Variants in TRPM3 observed in about 807,000 individuals in gnomAD.
TRPM3 encodes long transient receptor potential channel 3.
Under a neutral mutation model 181.2 loss-of-function variants are expected in TRPM3, and 77 were observed. The observed-to-expected ratio is 0.42, with a 90% confidence interval of 0.35 to 0.51. The LOEUF (loss-of-function observed/expected upper bound fraction) is 0.51. TRPM3 is among the 20% of genes least tolerant of loss of function. The probability of loss-of-function intolerance (pLI) is 0.01; values close to 1 mark genes in which losing one functional copy is unlikely to be tolerated. For synonymous variants in TRPM3, 745 were observed against 796.4 expected, an observed-to-expected ratio of 0.94 and a Z score of 1.09; for missense variants, 1,759 against 2,196.7, an observed-to-expected ratio of 0.80 and a Z score of 3.98.
At chr9:71,397,263 C>G (rs950669476) in intron 1 of TRPM3, among the ~76,000 whole-genome samples, 8 of 152,060 alleles carry the variant, frequency 5.3e-5, no homozygotes, top group African/African-American at 1.9e-4. Flanking sequence ...GGGTATTGGT[C>G]AGGGAAAATA....
intron 1 of TRPM3, among the ~76,000 whole-genome samples, chr9:71,190,840 G>A (rs1287144874): frequency 5.9e-5 from 9 of 151,702 alleles, no homozygotes; most frequent in East Asian, 3.9e-4. Flanking sequence ...AGGACTCTAC[G>A]ACTTAAAGAA....
At chr9:71,423,051 T>C (rs1289613008) in intron 1 of TRPM3, among the ~76,000 whole-genome samples, 1 of 152,056 alleles carries the variant, frequency 6.6e-6, no homozygotes, top group Non-Finnish European at 1.5e-5. Flanking sequence ...TATAGCTGAT[T>C]ATTAAGAGTT....
At chr9:71,151,223 A>G (rs530198414) in intron 1 of TRPM3, among the ~76,000 whole-genome samples, 1 of 152,150 alleles carries the variant, frequency 6.6e-6, no homozygotes, top group East Asian at 1.9e-4. Flanking sequence ...TAAATGGCAA[A>G]TGAGAAAAAT....
At chr9:70,904,789 T>C (rs1439660782) in intron 1 of TRPM3, among the ~76,000 whole-genome samples, 1 of 152,172 alleles carries the variant, frequency 6.6e-6, no homozygotes, top group Non-Finnish European at 1.5e-5. Context: ...TAGAAAATAT[T>C]TTAAAAGAGG....
chr9:71,010,670 T>G (rs912107298), intron 1 of TRPM3, among the ~76,000 whole-genome samples: 14 of 152,288 alleles, frequency 9.2e-5, no homozygotes, highest in African/African-American at 3.1e-4. Flanking sequence ...TCTTATGAAC[T>G]GTTGGTGGGG....
At chr9:71,426,341 C>T (rs887449898) in intron 1 of TRPM3, among the ~76,000 whole-genome samples, 3 of 150,974 alleles carry the variant, frequency 2.0e-5, no homozygotes, top group African/African-American at 7.3e-5. Context: ...CTGCATATAC[C>T]ACACACTACC....
At chr9:70,789,631 A>G (rs2084857141) in intron 6 of TRPM3, among the ~76,000 whole-genome samples, 1 of 152,188 alleles carries the variant, frequency 6.6e-6, no homozygotes, top group Non-Finnish European at 1.5e-5. Context: ...ATTTGAGAGC[A>G]ATATAAGGTT....
At chr9:71,011,137 A>G (rs1443987161) in intron 1 of TRPM3, among the ~76,000 whole-genome samples, 1 of 152,164 alleles carries the variant, frequency 6.6e-6, no homozygotes, top group Non-Finnish European at 1.5e-5. Context: ...AGAGTAGAAG[A>G]GTGCTTACCA....
chr9:71,396,522 C>T (rs1033836958), intron 1 of TRPM3, among the ~76,000 whole-genome samples: 2 of 152,004 alleles, frequency 1.3e-5, no homozygotes, highest in Non-Finnish European at 2.9e-5. Flanking sequence ...AATCAGGAGG[C>T]CACATCTTTA....
At chr9:71,172,788 T>C (rs2076932191) in intron 1 of TRPM3, among the ~76,000 whole-genome samples, 1 of 152,166 alleles carries the variant, frequency 6.6e-6, no homozygotes, top group Non-Finnish European at 1.5e-5. Context: ...GTTCTTCCCA[T>C]GGAACTGAAA....
At chr9:71,089,717 T>C (rs1180443252) in intron 1 of TRPM3, among the ~76,000 whole-genome samples, 1 of 152,120 alleles carries the variant, frequency 6.6e-6, no homozygotes, top group Non-Finnish European at 1.5e-5. Flanking sequence ...AGTTCTCTGA[T>C]GAAGACACCC....
At chr9:71,411,602 T>G (rs150969088) in intron 1 of TRPM3, among the ~76,000 whole-genome samples, 2,600 of 151,978 alleles carry the variant, frequency 0.017, 31 homozygotes, top group Middle Eastern at 0.061. Flanking sequence ...AAATAAAAGA[T>G]GACACAAACA....
rs2091336187 is a variant in TRPM3 at position 71,346,982 on chromosome 9, AT to A, written c.183+99670del. On this transcript the variant is annotated intron_variant, in intron 1 of 24. Transcript: ENST00000357533. ...GTGAACTCTGATGAGAGAAACTGAC[AT>A]TTCTGATACGTTAGGAAATCTGGTT... Among the ~76,000 whole-genome samples the A allele has an allele frequency of 3.3e-5, 5 of 152,350 alleles. No homozygotes were observed. The South Asian group carries it at 1.0e-3, about 32-fold the overall frequency.
intron 1 of TRPM3, among the ~76,000 whole-genome samples, chr9:71,394,089 A>C (rs1304424506): frequency 6.6e-6 from 1 of 152,202 alleles, no homozygotes; most frequent in Non-Finnish European, 1.5e-5. Context: ...AGAGATTAGG[A>C]AACACTGCTA....
intron 1 of TRPM3, among the ~76,000 whole-genome samples, chr9:71,047,322 T>G (rs751966370): frequency 5.3e-5 from 8 of 152,196 alleles, no homozygotes; most frequent in Non-Finnish European, 8.8e-5. Context: ...GGCTCTTCAA[T>G]TTTTTAATAT....
chr9:71,358,892 A>G (rs562257124), intron 1 of TRPM3, among the ~76,000 whole-genome samples: 2 of 152,348 alleles, frequency 1.3e-5, no homozygotes, highest in South Asian at 4.1e-4. Context: ...CGTGTAGCCT[A>G]TAATTTCCAA....
At chr9:70,621,537 A>T (rs1163503415) in intron 14 of TRPM3, among the ~76,000 whole-genome samples, 1 of 151,932 alleles carries the variant, frequency 6.6e-6, no homozygotes, top group East Asian at 1.9e-4. Context: ...GCTAAGTTTT[A>T]AAAATGTTTT....
chr9:70,623,772 G>A (rs2064013567), intron 14 of TRPM3, among the ~76,000 whole-genome samples: 1 of 152,182 alleles, frequency 6.6e-6, no homozygotes, highest in African/African-American at 2.4e-5. Flanking sequence ...GAAATGGGAA[G>A]TATGCCCCTA....
At chr9:71,321,169 C>T (rs1318666962) in intron 1 of TRPM3, among the ~76,000 whole-genome samples, 1 of 152,074 alleles carries the variant, frequency 6.6e-6, no homozygotes, top group African/African-American at 2.4e-5. Context: ...AAACACAAAC[C>T]ATCCCTTCCT....
Sources: allele counts gnomAD v4.1 joint callset (sites outside exome capture counted in the v4.1 genomes callset), GRCh38; gene constraint gnomAD v4.1.1; transcripts MANE v1.5; gene names NCBI Gene and HGNC (gene_info 2026-07-23, HGNC 2026-07-21).